ZNF143: variants seen among roughly 807,000 people sequenced by gnomAD.
The protein encoded by ZNF143 is SPH-binding factor.
In ZNF143, 49 loss-of-function variants were observed where a neutral mutation model predicts 74.1. The observed-to-expected ratio is 0.66, with a 90% CI of 0.53 to 0.84. ZNF143 has a LOEUF of 0.84. ZNF143 is among the 40% of genes least tolerant of loss of function. The pLI is 0.00. For missense variants in ZNF143, 637 were observed against 793.4 expected, an observed-to-expected ratio of 0.80 and a Z score of 2.37; for synonymous variants, 304 against 282.8, an observed-to-expected ratio of 1.07 and a Z score of -0.75.
At chr11:9,463,869 A>C (rs563020465) in intron 1 of ZNF143, 4 of 152,334 alleles carry the variant, frequency 2.6e-5, no homozygotes, top group African/African-American at 9.6e-5. Context: ...CATTTCTGGA[A>C]GGTAAGCACT....
chr11:9,474,295 C>T (rs572856010), intron 4 of ZNF143, among the ~76,000 whole-genome samples: 9 of 152,274 alleles, frequency 5.9e-5, no homozygotes, highest in Non-Finnish European at 1.2e-4. Flanking sequence ...ACATGTCTCT[C>T]ATTTTCTTCA....
At chr11:9,486,457 T>TA (rs1847553861) in intron 7 of ZNF143, among the ~76,000 whole-genome samples, 1 of 80,938 alleles carries the variant, frequency 1.2e-5, no homozygotes, top group Admixed American at 2.1e-4. Flanking sequence ...ATATATATTA[T>TA]ATATATATAA....
chr11:9,478,312 T>C (rs143015584), intron 5 of ZNF143, 78 bp from the exon 6 acceptor site: 1 of 1,486,150 alleles, frequency 6.7e-7, no homozygotes, highest in East Asian at 2.3e-5. Context: ...TAAAAGCTCA[T>C]TTCTCTCTTC....
chr11:9,510,698 C>T (rs1194349677), intron 12 of ZNF143, among the ~76,000 whole-genome samples: 1 of 151,996 alleles, frequency 6.6e-6, no homozygotes, highest in East Asian at 1.9e-4. Context: ...GAGAAGTACT[C>T]TTAGATTAGC....
intron 7 of ZNF143, among the ~76,000 whole-genome samples, chr11:9,486,408 ATATAATATATATT>A (rs1565039081): frequency 0.04 from 1,046 of 26,114 alleles, 72 homozygotes; most frequent in African/African-American, 0.13. Flanking sequence ...TATATTATAT[ATATAATATATATT>A]ATATATATTA....
chr11:9,479,599 T>C, intron 7 of ZNF143, 53 bp downstream of exon 7: 1 of 1,477,922 alleles, frequency 6.8e-7, no homozygotes, highest in Non-Finnish European at 9.3e-7. Context: ...TTCTGTGCCC[T>C]TCTGTGGATG....
rs1848580190 is a variant in ZNF143 at position 9,512,379 on chromosome 11, T to C, written c.1376-69T>C. ...TAATTATGTAATTTTCTCTTTAATA[T>C]TTAAAATGTCCTATTTTCTAAACAA... On this transcript the variant is annotated intron_variant, in intron 12 of 15. Coordinates refer to ENST00000396602, the MANE Select transcript of ZNF143 (RefSeq NM_003442.6). The C allele has an allele frequency of 5.8e-6, 9 of 1,541,586 alleles. 1 individual carries two copies. In the South Asian group the frequency reaches 9.6e-5, roughly 16 times the overall value.
chr11:9,508,290 G>C (rs1372631074), intron 11 of ZNF143, among the ~76,000 whole-genome samples: 1 of 152,144 alleles, frequency 6.6e-6, no homozygotes, highest in Non-Finnish European at 1.5e-5. Flanking sequence ...GACTATAACA[G>C]TATCTAGATT....
intron 7 of ZNF143, among the ~76,000 whole-genome samples, chr11:9,489,368 C>T (rs1479323596): frequency 6.6e-6 from 1 of 152,102 alleles, no homozygotes; most frequent in Admixed American, 6.6e-5. Flanking sequence ...TCAGAGACCT[C>T]AGTAGTTCTC....
intron 7 of ZNF143, among the ~76,000 whole-genome samples, chr11:9,486,445 T>TTATATATATTATATATAATATATATTA (rs1847548027): frequency 2.8e-5 from 1 of 35,468 alleles, no homozygotes; most frequent in Non-Finnish European, 6.6e-5. Context: ...ATATAATATA[T>TTATATATATTATATATAATATATATTA]TATATATATT....
Position 9,475,910 on chromosome 11 carries a change from A to ATATATGTGTGTG in ZNF143, c.373+1278_373+1279insATATGTGTGTGT, listed in dbSNP as rs370474107. Among the ~76,000 whole-genome samples the ATATATGTGTGTG allele has an allele frequency of 1.2e-3, 163 of 137,362 alleles. 2 individuals are homozygous for ATATATGTGTGTG. The highest frequency in any genetic ancestry group is 4.3e-3 in the African/African-American group (157 of 36,254). The allele number at this position is 137,362 out of a possible 152,430, so 90.1% of individuals were successfully genotyped here. ...GAGACCCTGTCTCAAAAAAATATAT[A>ATATATGTGTGTG]TGTGTGTGTGTGTGTGTGTGTGTGT... On this transcript the variant is annotated intron_variant, in intron 5 of 15. Coordinates refer to ENST00000396602, the MANE Select transcript of ZNF143 (RefSeq NM_003442.6).
chr11:9,468,417 G>C (rs1276064405), intron 1 of ZNF143, among the ~76,000 whole-genome samples: 2 of 152,134 alleles, frequency 1.3e-5, no homozygotes, highest in East Asian at 3.8e-4. Flanking sequence ...AAGGTATCAG[G>C]CTCTACCTAC....
chr11:9,481,175 C>G (rs1168954183), intron 7 of ZNF143, among the ~76,000 whole-genome samples: 1 of 152,012 alleles, frequency 6.6e-6, no homozygotes, highest in Non-Finnish European at 1.5e-5. Context: ...ATTGCTTGAA[C>G]CCAGAAGTTT....
intron 14 of ZNF143, among the ~76,000 whole-genome samples, chr11:9,521,980 C>T (rs1480275230): frequency 6.8e-6 from 1 of 147,030 alleles, no homozygotes; most frequent in African/African-American, 2.5e-5. Context: ...GTGGGAGGAT[C>T]ATTTGAGCCC....
intron 11 of ZNF143, among the ~76,000 whole-genome samples, chr11:9,501,944 T>C (rs1848176808): frequency 1.4e-5 from 2 of 138,176 alleles, no homozygotes; most frequent in African/African-American, 5.4e-5. Context: ...TTTTTTTTTT[T>C]TTTTTTTTTG....
chr11:9,475,802 C>T (rs1243059022), intron 5 of ZNF143, among the ~76,000 whole-genome samples: 11 of 151,900 alleles, frequency 7.2e-5, no homozygotes, highest in Admixed American at 7.2e-4. Context: ...GAGGCTGAGG[C>T]AGGAGAATCG....
chr11:9,499,025 A>G lies in ZNF143; in HGVS notation c.967+1225A>G, dbSNP rs77638797. 3.1e-3 allele frequency among the ~76,000 whole-genome samples: 467 copies of G among 152,340 alleles called. 4 individuals carry two copies. Among genetic ancestry groups the G allele is most frequent in the African/African-American group, 0.011 (448 of 41,580 alleles). ...CCATAAATTCTACTTGAATTTGGAA[A>G]TAAAACCAACTTGTTATATAAAAGC... On this transcript the variant is annotated intron_variant, in intron 10 of 15. Coordinates refer to ENST00000396602, the MANE Select transcript of ZNF143 (RefSeq NM_003442.6).
Position 9,478,538 on chromosome 11 carries a change from T to C in ZNF143, c.522T>C (p.Ala174=), listed in dbSNP as rs746797871. The C allele has an allele frequency of 1.2e-6, 2 of 1,614,202 alleles. No homozygotes were observed. The highest frequency in any genetic ancestry group is 1.7e-6 in the Non-Finnish European group (2 of 1,180,036). ...GTVAGLHTGD[A]TIDPDTISAL... The stretch of plus-strand genomic sequence containing the variant: ...TGGCAGGTCTGCACACTGGGGATGC[T>C]ACAATTGACCCTGACACCATCAGTG... The change falls in exon 6 of 16, where the codon GCT becomes GCC. Residue 174 remains alanine (A), a synonymous_variant. Transcript: ENST00000396602.
intron 1 of ZNF143, among the ~76,000 whole-genome samples, chr11:9,463,518 C>T (rs1855998286): frequency 6.6e-6 from 1 of 152,092 alleles, no homozygotes; most frequent in Non-Finnish European, 1.5e-5. Flanking sequence ...GTTTGCCTGT[C>T]TCTGATGGTT....
Sources: allele counts gnomAD v4.1 joint callset (sites outside exome capture counted in the v4.1 genomes callset), GRCh38; gene constraint gnomAD v4.1.1; transcripts MANE v1.5; gene names NCBI Gene and HGNC (gene_info 2026-07-23, HGNC 2026-07-21).